The following IPO9 variants were observed in gnomAD, a reference collection of about 807,000 sequenced individuals.
IPO9 encodes the protein importin-9.
IPO9 carries 28 observed loss-of-function variants against 128.6 expected under a neutral mutation model. That is an observed-to-expected ratio of 0.22 (90% CI 0.16 to 0.30). The LOEUF (loss-of-function observed/expected upper bound fraction) is 0.30. Among genes scored for constraint, IPO9 ranks in the 10% least tolerant of loss-of-function variants. The pLI is 1.00. For synonymous variants in IPO9, 455 were observed against 475.8 expected, an observed-to-expected ratio of 0.96 and a Z score of 0.57; for missense variants, 935 against 1,293.9, an observed-to-expected ratio of 0.72 and a Z score of 4.26.
At position 201,883,047 on chromosome 1, in the gene IPO9, C is replaced by T. The variant is rs1478635004; in HGVS notation, c.*6993C>T. The T allele has an allele frequency of 6.6e-6, 1 of 152,624 alleles. No individual in the cohort carries two copies. Among genetic ancestry groups the T allele is most frequent in the East Asian group, 1.9e-4 (1 of 5,200 alleles). 9.5% of individuals were successfully genotyped at this position (152,624 alleles called of 1,614,324 possible). On this transcript the variant is annotated 3_prime_UTR_variant, in exon 24 of 24. Transcript: ENST00000361565. The stretch of plus-strand genomic sequence containing the variant: ...AGGAATGAATTGTAGCACTGCAGCC[C>T]TGCCTGAGGAACATGATAGAAACAG...
rs773065420 is a variant in IPO9 at position 201,855,939 on chromosome 1, A to G, written c.1122+5A>G. On this transcript the variant is annotated splice_donor_5th_base_variant and intron_variant, in intron 10 of 23. Coordinates refer to ENST00000361565, the MANE Select transcript of IPO9 (RefSeq NM_018085.5). Reference sequence around the variant, plus strand: ...ATGCAAATCACTGAGGAGCAGGTAAATAATATTTGAGAGACAGTTACCATC... The same window carrying G: ...ATGCAAATCACTGAGGAGCAGGTAAGTAATATTTGAGAGACAGTTACCATC... 1.1e-5 allele frequency: 17 copies of G among 1,571,340 alleles called. No individual in the cohort carries two copies. The African/African-American group carries it at 2.1e-4, about 19-fold the overall frequency.
intron 13 of IPO9, 153 bp from the exon 14 acceptor site, chr1:201,863,295 T>G: frequency 1.7e-6 from 1 of 604,350 alleles, no homozygotes; most frequent in East Asian, 3.1e-5. Context: ...GAGGTTGCAG[T>G]GAGCCGAGAT....
intron 19 of IPO9, among the ~76,000 whole-genome samples, 190 bp downstream of exon 19, chr1:201,871,517 C>T (rs759848727): frequency 1.2e-4 from 18 of 149,896 alleles, no homozygotes; most frequent in African/African-American, 4.2e-4. Context: ...CTCAGCCGTC[C>T]GAATATTACA....
intron 13 of IPO9, among the ~76,000 whole-genome samples, chr1:201,859,994 G>T (rs998712309): frequency 6.6e-6 from 1 of 151,712 alleles, no homozygotes; most frequent in Non-Finnish European, 1.5e-5. Context: ...CTATTAGACC[G>T]ATTTCTTCCG....
Position 201,871,257 on chromosome 1 carries a change from C to A in IPO9, c.2506C>A (p.Leu836Ile). Residue 836 changes from leucine to isoleucine, a missense_variant, in exon 19 of 24, where the codon CTA becomes ATA. By Grantham distance (5) the Leu-to-Ile change is conservative. Around this residue, in one of 3 missense-constraint regions of IPO9, gnomAD observed 6 missense variants for 28.1 expected, o/e 0.21. Coordinates refer to ENST00000361565, the MANE Select transcript of IPO9 (RefSeq NM_018085.5). Reference sequence around the variant, plus strand: ...CCCAGGACCTACTGGCAAACCTGCTCTAGAGTTTGTGATGGCTGAGTGGAC... The same window carrying A: ...CCCAGGACCTACTGGCAAACCTGCTATAGAGTTTGTGATGGCTGAGTGGAC... ...SLPGPTGKPA[L>I]EFVMAEWTSR... 6.2e-7 allele frequency: 1 copy of A among 1,613,418 alleles called. No individual in the cohort carries two copies. Among genetic ancestry groups the A allele is most frequent in the South Asian group, 1.1e-5 (1 of 91,064 alleles).
At chr1:201,875,869 G>T in intron 23 of IPO9, 75 bp from the exon 24 acceptor site, 1 of 881,802 alleles carries the variant, frequency 1.1e-6, no homozygotes, top group Non-Finnish European at 1.9e-6. Flanking sequence ...TGTGCCATTT[G>T]ATTGTGGTTC....
intron 5 of IPO9, 39 bp from the exon 6 acceptor site, chr1:201,852,972 T>C (rs1344314655): frequency 6.6e-7 from 1 of 1,519,514 alleles, no homozygotes; most frequent in South Asian, 1.1e-5. Flanking sequence ...CACACTCCAG[T>C]CTCGTGGCTA....
rs1246228620 is a variant in IPO9 at position 201,876,136 on chromosome 1, T to C, written c.*82T>C. On this transcript the variant is annotated 3_prime_UTR_variant, in exon 24 of 24. Coordinates refer to ENST00000361565, the MANE Select transcript of IPO9 (RefSeq NM_018085.5). The stretch of plus-strand genomic sequence containing the variant: ...CCCTCACTGGCCTTGAGATGCACTT[T>C]CTTCTCAACCTAAAGTGGCATCTTG... The C allele has an allele frequency of 2.1e-6, 2 of 938,484 alleles. No individual in the cohort carries two copies. The highest frequency in any genetic ancestry group is 3.6e-6 in the Non-Finnish European group (2 of 562,684). 58.1% of individuals were successfully genotyped at this position (938,484 alleles called of 1,614,324 possible).
chr1:201,875,987 G>A lies in IPO9; in HGVS notation c.3059G>A (p.Cys1020Tyr), dbSNP rs1680755231. ...DFLCQFAQQP[C>Y]YIMFSGHLND... ...CTCTGCCAGTTTGCTCAGCAGCCCTGCTACATAATGTTTTCAGGCCACCTT... is the reference window on the plus strand; with the variant it reads ...CTCTGCCAGTTTGCTCAGCAGCCCTACTACATAATGTTTTCAGGCCACCTT... Residue 1020 changes from cysteine (C) to tyrosine (Y), a missense_variant, in exon 24 of 24, where the codon TGC (cysteine) becomes TAC (tyrosine). This residue lies in a region of IPO9 where 188 missense variants were observed against 246.7 expected (regional missense o/e 0.76). Coordinates refer to ENST00000361565, the MANE Select transcript of IPO9 (RefSeq NM_018085.5). 1 of 1,613,904 alleles carries A rather than the reference G, an allele frequency of 6.2e-7. No homozygotes were observed. The highest frequency in any genetic ancestry group is 1.7e-5 in the Admixed American group (1 of 60,012).
At position 201,866,831 on chromosome 1, in the gene IPO9, G is replaced by T. The variant is rs370638350; in HGVS notation, c.1727G>T (p.Ser576Ile). ...DGLIHLAAQFSSEVLNLVMET... is the reference protein window; with the variant it reads ...DGLIHLAAQFISEVLNLVMET... ...TTAATTCACCTAGCAGCCCAGTTCAGCTCAGAGGTCCTCAACCTGGTGATG... is the reference window on the plus strand; with the variant it reads ...TTAATTCACCTAGCAGCCCAGTTCATCTCAGAGGTCCTCAACCTGGTGATG... Residue 576 changes from serine to isoleucine, a missense_variant, in exon 15 of 24, where the codon AGC becomes ATC. This residue lies in a region of IPO9 where 741 missense variants were observed against 1,019.1 expected (regional missense o/e 0.73). Coordinates refer to ENST00000361565, the MANE Select transcript of IPO9 (RefSeq NM_018085.5). 4.3e-6 allele frequency: 7 copies of T among 1,614,132 alleles called. No individual in the cohort carries two copies. The South Asian group carries it at 5.5e-5, about 13-fold the overall frequency.
chr1:201,849,861 T>G (rs1425185945), intron 4 of IPO9, among the ~76,000 whole-genome samples: 1 of 152,214 alleles, frequency 6.6e-6, no homozygotes, highest in Non-Finnish European at 1.5e-5. Context: ...CTTATTGCCC[T>G]TTCTTCTGCT....
intron 13 of IPO9, 56 bp downstream of exon 13, chr1:201,859,050 G>A: frequency 5.8e-6 from 9 of 1,563,412 alleles, no homozygotes; most frequent in Non-Finnish European, 7.9e-6. Context: ...TTGTGGGGTT[G>A]GGGGAGGGAT....
rs953123391 is a variant in IPO9, at chr1:201,845,021, T to G, written c.164-2258T>G. On this transcript the variant is annotated intron_variant, in intron 1 of 23. Coordinates refer to ENST00000361565, the MANE Select transcript of IPO9 (RefSeq NM_018085.5). ...GATATATTGATACCAGTATTTTTTT[T>G]GGGAGGGGGGGGCGTACAGAGTTTC... is the stretch of plus-strand genomic sequence containing the variant. 7.4e-3 allele frequency among the ~76,000 whole-genome samples: 1,031 copies of G among 138,902 alleles called. 9 individuals carry two copies. Among genetic ancestry groups the G allele is most frequent in the Non-Finnish European group, 0.014 (836 of 59,986 alleles). 91.1% of individuals were successfully genotyped at this position (138,902 alleles called of 152,430 possible). A position where few individuals can be genotyped will look rare whatever the true frequency, so the allele number is the denominator to read the frequency against.
intron 1 of IPO9, among the ~76,000 whole-genome samples, chr1:201,835,389 C>T (rs1679904472): frequency 6.6e-6 from 1 of 152,132 alleles, no homozygotes; most frequent in South Asian, 2.1e-4. Flanking sequence ...GCAAGGATAA[C>T]GAGAGGGAAG....
chr1:201,853,202 G>A (rs1418837324), intron 6 of IPO9, 105 bp downstream of exon 6: 1 of 828,366 alleles, frequency 1.2e-6, no homozygotes, highest in Non-Finnish European at 2.1e-6. Context: ...ACACTAACCA[G>A]TATTAGAGAT....
chr1:201,833,295 T>C (rs951776010), intron 1 of IPO9, among the ~76,000 whole-genome samples: 2 of 151,344 alleles, frequency 1.3e-5, no homozygotes, highest in Non-Finnish European at 2.9e-5. Flanking sequence ...CTGGAGTGCA[T>C]TGGCATGATC....
chr1:201,870,923 G>T lies in IPO9; in HGVS notation c.2409+65G>T, dbSNP rs948943597. 1.4e-6 allele frequency: 2 copies of T among 1,414,880 alleles called. No individual in the cohort carries two copies. Among genetic ancestry groups the T allele is most frequent in the South Asian group, 2.7e-5 (2 of 75,294 alleles). 87.6% of individuals were successfully genotyped at this position (1,414,880 alleles called of 1,614,324 possible). A position where few individuals can be genotyped will look rare whatever the true frequency, so the allele number is the denominator to read the frequency against. On this transcript the variant is annotated intron_variant, in intron 18 of 23. Transcript: ENST00000361565. This position sits in a 1 kb window ranked among gnomAD's most constrained non-coding sequence, Gnocchi z 4.9. ...TGATAGAAATGAAAATTCGTATTTT[G>T]GTCCTGAGTTATTTTATTTTACCCT...
intron 1 of IPO9, among the ~76,000 whole-genome samples, chr1:201,843,442 A>G (rs2102872106): frequency 6.6e-6 from 1 of 152,382 alleles, no homozygotes; most frequent in East Asian, 1.9e-4. Context: ...AAAGACAGAA[A>G]GAAGTATCTT....
At chr1:201,841,299 CA>C (rs925611849) in intron 1 of IPO9, among the ~76,000 whole-genome samples, 22 of 152,136 alleles carry the variant, frequency 1.4e-4, no homozygotes, top group African/African-American at 5.1e-4. Context: ...GTGTTTTTCA[CA>C]AAGGTATGGA....
Sources: gnomAD v4.1 joint callset for allele counts (sites outside exome capture counted in the v4.1 genomes callset) on GRCh38, gnomAD v4.1.1 for gene constraint, gnomAD v4.1.1 regional missense constraint, Gnocchi (gnomAD v3.1) non-coding constraint, MANE v1.5 for transcripts, NCBI Gene and HGNC (gene_info 2026-07-23, HGNC 2026-07-21) for gene names.